The following PRKD1 variants were observed in gnomAD, a reference collection of about 807,000 sequenced individuals.
PRKD1 encodes protein kinase D1.
A neutral mutation model predicts 95.9 loss-of-function variants in PRKD1; 63 were observed. That is an observed-to-expected ratio of 0.66 (90% CI 0.54 to 0.81). The LOEUF (loss-of-function observed/expected upper bound fraction) is 0.81, where lower values mean the gene tolerates loss of function less well. PRKD1 is among the 30% of genes least tolerant of loss of function. PRKD1 has a pLI of 0.00. For missense variants in PRKD1, 1,048 were observed against 1,165.3 expected (o/e 0.90, Z 1.47); for synonymous variants, 425 against 423.1 (o/e 1.00, Z -0.05).
At chr14:29,705,455 G>GTTTTTTT (rs35890847) in intron 2 of PRKD1, among the ~76,000 whole-genome samples, 1 of 147,040 alleles carries the variant, frequency 6.8e-6, no homozygotes. Context: ...GCCAGATTCT[G>GTTTTTTT]TTTTTTTTTT....
intron 1 of PRKD1, among the ~76,000 whole-genome samples, chr14:29,800,317 G>GA (rs1381918309): frequency 1.6e-4 from 25 of 152,128 alleles, no homozygotes; most frequent in Non-Finnish European, 3.1e-4. Flanking sequence ...CCATTCCAAG[G>GA]AGAGTCCGCA....
At chr14:29,580,979 T>C (rs1418898829) in intron 16 of PRKD1, among the ~76,000 whole-genome samples, 1 of 151,760 alleles carries the variant, frequency 6.6e-6, no homozygotes, top group Non-Finnish European at 1.5e-5. Context: ...AGACCACAGA[T>C]GACATCATGA....
intron 1 of PRKD1, among the ~76,000 whole-genome samples, chr14:29,899,960 G>T (rs1158664039): frequency 6.6e-6 from 1 of 152,170 alleles, no homozygotes; most frequent in Non-Finnish European, 1.5e-5. Flanking sequence ...TTTATAAATG[G>T]CAGTTTCTCC....
At chr14:29,634,594 T>C in intron 7 of PRKD1, 53 bp from the exon 8 acceptor site, 2 of 1,601,270 alleles carry the variant, frequency 1.2e-6, no homozygotes, top group African/African-American at 1.3e-5. Flanking sequence ...ACATTTTATG[T>C]ATTTTCATGC....
intron 4 of PRKD1, chr14:29,656,508 T>C (rs1201042859): frequency 5.2e-6 from 8 of 1,535,286 alleles, no homozygotes; most frequent in Non-Finnish European, 7.0e-6. Context: ...GACTGAAACA[T>C]GAAGTTGTAA....
intron 13 of PRKD1, among the ~76,000 whole-genome samples, chr14:29,614,426 A>T (rs1878703568): frequency 6.6e-6 from 1 of 152,192 alleles, no homozygotes; most frequent in South Asian, 2.1e-4. Flanking sequence ...AAAAGGAATA[A>T]AATTATTTCT....
At chr14:29,729,767 G>A (rs1465357995) in intron 1 of PRKD1, among the ~76,000 whole-genome samples, 5 of 151,932 alleles carry the variant, frequency 3.3e-5, no homozygotes, top group Admixed American at 6.6e-5. Flanking sequence ...TTGAGACTTA[G>A]TTTAATATGA....
intron 1 of PRKD1, among the ~76,000 whole-genome samples, chr14:29,750,046 A>G (rs1443672357): frequency 6.6e-6 from 1 of 152,192 alleles, no homozygotes; most frequent in Admixed American, 6.5e-5. Flanking sequence ...CTCTGAGTAG[A>G]ACAAGGGTCA....
chr14:29,851,713 T>G (rs1288869778), intron 1 of PRKD1, among the ~76,000 whole-genome samples: 1 of 152,106 alleles, frequency 6.6e-6, no homozygotes, highest in Non-Finnish European at 1.5e-5. Flanking sequence ...ATCACTCAAC[T>G]GAGCAATATC....
intron 1 of PRKD1, among the ~76,000 whole-genome samples, chr14:29,909,744 C>A (rs992438319): frequency 1.3e-5 from 2 of 152,130 alleles, no homozygotes; most frequent in African/African-American, 4.8e-5. Context: ...AATCAGCACT[C>A]TGTAGCTAGC....
intron 2 of PRKD1, among the ~76,000 whole-genome samples, chr14:29,717,272 G>A (rs1885656658): frequency 6.6e-6 from 1 of 152,088 alleles, no homozygotes; most frequent in South Asian, 2.1e-4. Context: ...AATGTGTAGT[G>A]CAGTGGGGTG....
chr14:29,820,809 T>C (rs1890881333), intron 1 of PRKD1, among the ~76,000 whole-genome samples: 2 of 152,222 alleles, frequency 1.3e-5, no homozygotes, highest in Admixed American at 6.5e-5. Flanking sequence ...GAATAGCAGT[T>C]AACATGTAAT....
chr14:29,841,036 G>A (rs888382064), intron 1 of PRKD1, among the ~76,000 whole-genome samples: 1 of 152,206 alleles, frequency 6.6e-6, no homozygotes, highest in African/African-American at 2.4e-5. Flanking sequence ...AGATTTGACT[G>A]CCCTGCTGGA....
At chr14:29,598,918 C>CT (rs1893410893) in intron 15 of PRKD1, 109 bp downstream of exon 15, 7 of 954,762 alleles carry the variant, frequency 7.3e-6, no homozygotes, top group Middle Eastern at 2.2e-4. Flanking sequence ...ATAGAAAACA[C>CT]TTGAAACAAA....
chr14:29,700,975 T>TGCGCGC (rs750081427), intron 2 of PRKD1, among the ~76,000 whole-genome samples: 14 of 62,946 alleles, frequency 2.2e-4, no homozygotes, highest in African/African-American at 6.7e-4. Flanking sequence ...CGCGTGCGCA[T>TGCGCGC]GCGCGCGCGC....
chr14:29,705,890 C>A (rs556290041), intron 2 of PRKD1, among the ~76,000 whole-genome samples: 257 of 151,778 alleles, frequency 1.7e-3, no homozygotes, highest in Admixed American at 4.3e-3. Context: ...TCTGTTTTTT[C>A]TACTTTTGGC....
intron 13 of PRKD1, among the ~76,000 whole-genome samples, chr14:29,613,288 T>C (rs1878608411): frequency 6.6e-6 from 1 of 152,216 alleles, no homozygotes; most frequent in African/African-American, 2.4e-5. Flanking sequence ...AAGTCTCCAG[T>C]TTCCAAAAAT....
intron 2 of PRKD1, among the ~76,000 whole-genome samples, chr14:29,717,824 C>T (rs767816888): frequency 6.6e-5 from 10 of 152,104 alleles, no homozygotes; most frequent in Non-Finnish European, 1.2e-4. Flanking sequence ...CCGGGTTTGT[C>T]TTATTCCCCA....
At chr14:29,885,186 TG>T (rs1018613503) in intron 1 of PRKD1, among the ~76,000 whole-genome samples, 3 of 150,884 alleles carry the variant, frequency 2.0e-5, no homozygotes, top group African/African-American at 7.3e-5. Context: ...AGGGATTGCG[TG>T]GGGGACCTGA....
Sources: gnomAD v4.1 joint callset for allele counts (sites outside exome capture counted in the v4.1 genomes callset) on GRCh38, gnomAD v4.1.1 for gene constraint, MANE v1.5 for transcripts, NCBI Gene and HGNC (gene_info 2026-07-23, HGNC 2026-07-21) for gene names.